The following ZNF841 variants were observed in gnomAD, a reference collection of about 807,000 sequenced individuals.
The protein encoded by ZNF841 is TCONS_00006091.
In ZNF841, 11 loss-of-function variants were observed where a neutral mutation model predicts 13.0. That is an observed-to-expected ratio of 0.85 (90% CI 0.53 to 1.40). The LOEUF (loss-of-function observed/expected upper bound fraction) is 1.40, where lower values mean the gene tolerates loss of function less well. ZNF841 is among the 40% of genes most tolerant of loss of function. ZNF841 has a pLI of 0.00. For synonymous variants in ZNF841, 369 were observed against 381.6 expected (o/e 0.97, Z 0.38); for missense variants, 1,068 against 1,139.5 (o/e 0.94, Z 0.90).
In ZNF841 at chr19:52,065,901, C is replaced by T; in HGVS notation, c.1981G>A (p.Ala661Thr). Residue 661 changes from alanine to threonine, a missense_variant, in exon 7 of 7, where the codon GCC (alanine) becomes ACC (threonine). Transcript: ENST00000594440. ...GTGAGGCTTGAACGCTGAGTATAGG[C>T]TTTGCCACAATCATTACATTTATAA... ...KPYKCNDCGK[A>T]YTQRSSLTKH... The T allele has an allele frequency of 6.2e-7, 1 of 1,614,206 alleles. No individual in the cohort carries two copies. The highest frequency in any genetic ancestry group is 1.1e-5 in the South Asian group (1 of 91,084).
chr19:52,073,243 T>C (rs191006889), intron 6 of ZNF841, among the ~76,000 whole-genome samples: 1 of 152,180 alleles, frequency 6.6e-6, no homozygotes, highest in East Asian at 1.9e-4. Flanking sequence ...GCTACAAAAA[T>C]TCTAGAAGAA....
rs767705452 is a variant in ZNF841 at position 52,066,054 on chromosome 19, C to T, written c.1828G>A (p.Gly610Arg). 7 of 1,613,420 alleles carry T rather than the reference C, an allele frequency of 4.3e-6. No homozygotes were observed. The South Asian group carries it at 7.7e-5, about 18-fold the overall frequency. ...CTTCGCCTATGAATTGAAAGGTTTC[C>T]ACTGTCAATGAAGACCTTGCCACAC... ...NVCGKVFIDS[G>R]NLSIHRRSHT... Residue 610 changes from glycine (G) to arginine (R), a missense_variant, in exon 7 of 7, where the codon GGA becomes AGA. By Grantham distance (125) the Gly-to-Arg change is moderately radical. Transcript: ENST00000594440.
In ZNF841 at chr19:52,067,128, C is replaced by T. The variant is rs1470384752; in HGVS notation, c.754G>A (p.Glu252Lys). 1.3e-6 allele frequency: 2 copies of T among 1,566,446 alleles called. No individual in the cohort carries two copies. Among genetic ancestry groups the T allele is most frequent in the Non-Finnish European group, 8.7e-7 (1 of 1,154,166 alleles). ...GGTTTTTCCCTAATATGTGTTTTCT[C>T]GTCTTGTGTAGGTAACGAAAGTTGC... is the stretch of plus-strand genomic sequence containing the variant. Reference protein sequence around the residue: ...FLQLSLPTQDEKTHIREKPYI... With the variant: ...FLQLSLPTQDKKTHIREKPYI... Residue 252 changes from glutamate (E) to lysine (K), a missense_variant, in exon 7 of 7, where the codon GAG becomes AAG. Physicochemically the swap from Glu to Lys is moderately conservative, Grantham distance 56. Coordinates refer to ENST00000594440, the MANE Select transcript of ZNF841 (RefSeq NM_001136499.2).
At position 52,064,799 on chromosome 19, in the gene ZNF841, A is replaced by G. The variant is rs2087486380; in HGVS notation, c.*308T>C. Reference sequence around the variant, plus strand: ...CCAGTACCCGCCACGAAGCCCAGCTAATTTTTGTATTTTTGGCAGAAACAG... The same window carrying G: ...CCAGTACCCGCCACGAAGCCCAGCTGATTTTTGTATTTTTGGCAGAAACAG... On this transcript the variant is annotated 3_prime_UTR_variant, in exon 7 of 7. Coordinates refer to ENST00000594440, the MANE Select transcript of ZNF841 (RefSeq NM_001136499.2). The G allele has an allele frequency of 5.6e-6, 1 of 179,864 alleles. No individual in the cohort carries two copies. Among genetic ancestry groups the G allele is most frequent in the African/African-American group, 2.4e-5 (1 of 42,184 alleles). 11.1% of individuals were successfully genotyped at this position (179,864 alleles called of 1,614,324 possible).
chr19:52,062,690 T>C (rs977606477), downstream of ZNF841, among the ~76,000 whole-genome samples: 1 of 152,150 alleles, frequency 6.6e-6, no homozygotes, highest in Non-Finnish European at 1.5e-5. Context: ...AATTATTTTA[T>C]ATACTGAATT....
At chr19:52,082,042 C>T (rs1229456805) in intron 4 of ZNF841, among the ~76,000 whole-genome samples, 1 of 152,012 alleles carries the variant, frequency 6.6e-6, no homozygotes, top group Non-Finnish European at 1.5e-5. Flanking sequence ...CTAAAGGGCT[C>T]ATGGGGAAAC....
At chr19:52,073,652 A>G (rs1568540366) in intron 6 of ZNF841, among the ~76,000 whole-genome samples, 1 of 152,202 alleles carries the variant, frequency 6.6e-6, no homozygotes, top group Non-Finnish European at 1.5e-5. Flanking sequence ...TTGCTTGAGC[A>G]TCACGAAAAA....
At chr19:52,062,519 G>A (rs898597317), downstream of ZNF841, among the ~76,000 whole-genome samples, 2 of 152,048 alleles carry the variant, frequency 1.3e-5, no homozygotes, top group African/African-American at 4.8e-5. Context: ...CAGAAAACAT[G>A]GATATGAAGG....
intron 6 of ZNF841, among the ~76,000 whole-genome samples, chr19:52,074,666 G>A (rs2087841703): frequency 6.6e-6 from 1 of 152,082 alleles, no homozygotes; most frequent in South Asian, 2.1e-4. Flanking sequence ...ACAGGTGCCT[G>A]CCACCACGCC....
At chr19:52,061,063 T>C (rs1199736690), downstream of ZNF841, among the ~76,000 whole-genome samples, 2 of 152,184 alleles carry the variant, frequency 1.3e-5, no homozygotes, top group African/African-American at 2.4e-5. Context: ...CCAGCACCCA[T>C]CTAAGGTCAG....
At chr19:52,078,002 C>A (rs2087962487) in intron 4 of ZNF841, among the ~76,000 whole-genome samples, 2 of 152,148 alleles carry the variant, frequency 1.3e-5, no homozygotes, top group South Asian at 4.1e-4. Context: ...CATAAAGGAT[C>A]ATTATATAGG....
At position 52,066,757 on chromosome 19, in the gene ZNF841, A is replaced by T; in HGVS notation, c.1125T>A (p.Cys375Ter). 1.2e-6 allele frequency: 2 copies of T among 1,613,260 alleles called. No individual in the cohort carries two copies. Residue 375 changes from cysteine to a stop codon, truncating the protein, a stop_gained, in exon 7 of 7, where the codon TGT (cysteine) becomes TGA (stop). Transcript: ENST00000594440. LOFTEE classifies it low-confidence loss of function (END_TRUNC). Reference sequence around the variant, plus strand: ...GACTAAAGCACTTCCCACATCGATTACATTTGTAAGGTTTCTCTCCAGTAT... The same window carrying T: ...GACTAAAGCACTTCCCACATCGATTTCATTTGTAAGGTTTCTCTCCAGTAT... ...RIHTGEKPYK[C>*]NRCGKCFSQS...
chr19:52,077,144 TGAG>T, intron 4 of ZNF841, 60 bp from the exon 5 acceptor site: 1 of 1,520,354 alleles, frequency 6.6e-7, no homozygotes, highest in South Asian at 1.2e-5. Context: ...TTACATAAAA[TGAG>T]AAGAGGAGAG....
At chr19:52,080,638 G>A (rs2088067415) in intron 4 of ZNF841, among the ~76,000 whole-genome samples, 1 of 152,184 alleles carries the variant, frequency 6.6e-6, no homozygotes, top group Admixed American at 6.5e-5. Flanking sequence ...AAACCAGTGT[G>A]TGCAGTAACA....
At chr19:52,076,207 T>C in intron 5 of ZNF841, 35 bp from the exon 6 acceptor site, 1 of 1,544,890 alleles carries the variant, frequency 6.5e-7, no homozygotes, top group Non-Finnish European at 8.7e-7. Context: ...TGTCCCACGG[T>C]TTTTCCAGAA....
chr19:52,069,307 TCAAA>T (rs1340433014), intron 6 of ZNF841, among the ~76,000 whole-genome samples: 1 of 152,078 alleles, frequency 6.6e-6, no homozygotes, highest in East Asian at 1.9e-4. Context: ...ACTCCTAAGC[TCAAA>T]CAATCTGCCC....
At chr19:52,089,780 C>A (rs1217038367) in intron 2 of ZNF841, among the ~76,000 whole-genome samples, 1 of 152,166 alleles carries the variant, frequency 6.6e-6, no homozygotes, top group South Asian at 2.1e-4. Context: ...GGGACAGGTG[C>A]ACACACCATA....
chr19:52,059,012 G>A, the ZNF841 span: 3 of 153,302 alleles, frequency 2.0e-5, no homozygotes, highest in Non-Finnish European at 4.4e-5. Context: ...GAAAAACTTG[G>A]AGGATCCATA....
At chr19:52,093,141 A>G (rs536891688) in intron 2 of ZNF841, among the ~76,000 whole-genome samples, 2 of 152,228 alleles carry the variant, frequency 1.3e-5, no homozygotes, top group South Asian at 4.1e-4. Flanking sequence ...CTTACAAAAT[A>G]TCTGTCCCCC....
Sources: allele counts gnomAD v4.1 joint callset (sites outside exome capture counted in the v4.1 genomes callset), GRCh38; gene constraint gnomAD v4.1.1; transcripts MANE v1.5; gene names NCBI Gene and HGNC (gene_info 2026-07-23, HGNC 2026-07-21).